HLCS: variants seen among roughly 807,000 people sequenced by gnomAD.
HLCS encodes holocarboxylase synthetase, also known as biotin--protein ligase.
In HLCS, 53 loss-of-function variants were observed where a neutral mutation model predicts 75.0. The ratio of observed to expected loss-of-function variants is 0.71; its 90% CI spans 0.57 to 0.89. The LOEUF (loss-of-function observed/expected upper bound fraction) is 0.89, where lower values mean the gene tolerates loss of function less well. HLCS is among the 40% of genes least tolerant of loss of function. HLCS has a pLI of 0.00. For missense variants in HLCS, 966 were observed against 1,074.0 expected (o/e 0.90, Z 1.41); for synonymous variants, 431 against 428.6 (o/e 1.01, Z -0.07).
intron 4 of HLCS, among the ~76,000 whole-genome samples, chr21:36,934,394 G>A (rs1422905784): frequency 6.6e-6 from 1 of 152,174 alleles, no homozygotes; most frequent in Non-Finnish European, 1.5e-5. Context: ...TGCCATGGTT[G>A]AGAAACTCTG....
chr21:36,830,326 C>T (rs1569071673), intron 6 of HLCS, among the ~76,000 whole-genome samples: 1 of 152,218 alleles, frequency 6.6e-6, no homozygotes, highest in Non-Finnish European at 1.5e-5. Context: ...CGCAAGATAA[C>T]ACACAGAGTA....
intron 8 of HLCS, among the ~76,000 whole-genome samples, chr21:36,760,844 T>C (rs2089810827): frequency 6.6e-6 from 1 of 152,170 alleles, no homozygotes; most frequent in African/African-American, 2.4e-5. Context: ...GGCCTCTGCC[T>C]ATCCACTGTG....
At chr21:36,965,849 C>A (rs577072739) in intron 1 of HLCS, among the ~76,000 whole-genome samples, 90 of 151,748 alleles carry the variant, frequency 5.9e-4, no homozygotes, top group Admixed American at 3.5e-3. Context: ...CTCCCGGGAT[C>A]AAGTGACCCT....
intron 5 of HLCS, among the ~76,000 whole-genome samples, chr21:36,898,446 C>CAAAAAAAAAAAAAA (rs58625493): frequency 6.1e-5 from 3 of 49,530 alleles, no homozygotes; most frequent in African/African-American, 1.7e-4. Flanking sequence ...AACTCCATCT[C>CAAAAAAAAAAAAAA]AAAAAAAAAA....
At chr21:36,767,151 C>G (rs574941004) in intron 7 of HLCS, 67 bp downstream of exon 7, 12 of 1,504,220 alleles carry the variant, frequency 8.0e-6, no homozygotes, top group Non-Finnish European at 1.1e-5. Flanking sequence ...CAATGGGCTC[C>G]TGGGCCACAA....
chr21:36,965,743 T>C (rs920008550), intron 1 of HLCS, among the ~76,000 whole-genome samples: 1 of 151,174 alleles, frequency 6.6e-6, no homozygotes, highest in Non-Finnish European at 1.5e-5. Flanking sequence ...TTTTTTTTTT[T>C]TTTCTTAAGA....
At chr21:36,783,649 C>T (rs1351152555) in intron 6 of HLCS, among the ~76,000 whole-genome samples, 1 of 152,164 alleles carries the variant, frequency 6.6e-6, no homozygotes. Flanking sequence ...TGCAAGACAG[C>T]CACTTAGTGT....
chr21:36,830,218 T>G lies in HLCS; in HGVS notation c.1893-62933A>C, dbSNP rs577560854. On this transcript the variant is annotated intron_variant, in intron 6 of 10. Coordinates refer to ENST00000674895, the MANE Select transcript of HLCS (RefSeq NM_001352514.2). ...CGGCCTCAGAAGGAGCCAGCCCTGC[T>G]GACACCTTATCCTGGACTTCTGGCC... Among the ~76,000 whole-genome samples, 161 of 152,296 alleles carry G rather than the reference T, an allele frequency of 1.1e-3. 1 individual carries two copies. The highest frequency in any genetic ancestry group is 1.1e-3 in the Non-Finnish European group (78 of 68,010).
At chr21:36,757,113 C>T (rs997682138) in intron 9 of HLCS, 12 of 191,984 alleles carry the variant, frequency 6.3e-5, no homozygotes, top group South Asian at 1.8e-4. Context: ...TGTAGCTCTG[C>T]ACTGAGTCCA....
intron 6 of HLCS, among the ~76,000 whole-genome samples, chr21:36,844,938 C>A (rs2062744254): frequency 6.6e-6 from 1 of 152,088 alleles, no homozygotes; most frequent in African/African-American, 2.4e-5. Context: ...CATCTGCTTA[C>A]AATTTTAAGG....
intron 2 of HLCS, among the ~76,000 whole-genome samples, chr21:36,958,672 C>T (rs538546146): frequency 2.1e-3 from 313 of 151,980 alleles, no homozygotes; most frequent in African/African-American, 7.4e-3. Flanking sequence ...GCCTGTAGTC[C>T]CAGCTACTTG....
At position 36,961,649 on chromosome 21, in the gene HLCS, C is replaced by T. The variant is rs184708693; in HGVS notation, c.330+387G>A. On this transcript the variant is annotated intron_variant, in intron 2 of 10. Coordinates refer to ENST00000674895, the MANE Select transcript of HLCS (RefSeq NM_001352514.2). The stretch of plus-strand genomic sequence containing the variant: ...GGGAGCCACAAAGGCTAGGAAAGAG[C>T]ACTCATAAAAAGACAAATTTGAGGC... Among the ~76,000 whole-genome samples, 91 of 152,098 alleles carry T rather than the reference C, an allele frequency of 6.0e-4. 2 individuals are homozygous for T. The South Asian group carries it at 0.018, about 31-fold the overall frequency.
chr21:36,839,233 C>T (rs1320459401), intron 6 of HLCS, among the ~76,000 whole-genome samples: 1 of 152,206 alleles, frequency 6.6e-6, no homozygotes, highest in East Asian at 1.9e-4. Context: ...AGCATGTCCA[C>T]TTCATGAAAA....
intron 6 of HLCS, among the ~76,000 whole-genome samples, chr21:36,874,384 A>T (rs890302251): frequency 2.0e-5 from 3 of 150,514 alleles, no homozygotes; most frequent in Non-Finnish European, 4.4e-5. Flanking sequence ...CCTGAGCGAC[A>T]GAGCGAGACT....
At chr21:36,881,362 G>A (rs930706674) in intron 6 of HLCS, among the ~76,000 whole-genome samples, 32 of 152,210 alleles carry the variant, frequency 2.1e-4, no homozygotes, top group African/African-American at 7.5e-4. Flanking sequence ...CACCCCAGGA[G>A]CCACTTTGTC....
Position 36,930,963 on chromosome 21 carries a change from G to A in HLCS, c.1438-530C>T, listed in dbSNP as rs74402541. Reference sequence around the variant, plus strand: ...ACACTCATCAGTCATATGACCTTCCGCAAGTTACTTAACTTGATTATAGGA... The same window carrying A: ...ACACTCATCAGTCATATGACCTTCCACAAGTTACTTAACTTGATTATAGGA... On this transcript the variant is annotated intron_variant, in intron 4 of 10. Transcript: ENST00000674895. Among the ~76,000 whole-genome samples, 1,178 of 152,218 alleles carry A rather than the reference G, an allele frequency of 7.7e-3. 21 individuals are homozygous for A. The highest frequency in any genetic ancestry group is 0.053 in the South Asian group (254 of 4,820).
In HLCS at chr21:36,751,626, AT is replaced by A. The variant is rs2079229811; in HGVS notation, c.*2619del. 1 of 152,270 alleles carries A rather than the reference AT, an allele frequency of 6.6e-6. No homozygotes were observed. The highest frequency in any genetic ancestry group is 1.5e-5 in the Non-Finnish European group (1 of 68,118). The allele number at this position is 152,270 out of a possible 1,614,324, so 9.4% of individuals were successfully genotyped here. On this transcript the variant is annotated 3_prime_UTR_variant, in exon 11 of 11. Coordinates refer to ENST00000674895, the MANE Select transcript of HLCS (RefSeq NM_001352514.2). Reference sequence around the variant, plus strand: ...CCTGCTGCAGTGAAACTCAACCACGATTTTCCTTTGCACACAAATCCTTCCT... The same window carrying A: ...CCTGCTGCAGTGAAACTCAACCACGATTTCCTTTGCACACAAATCCTTCCT...
At chr21:36,835,730 GT>G (rs1233086573) in intron 6 of HLCS, among the ~76,000 whole-genome samples, 1 of 152,194 alleles carries the variant, frequency 6.6e-6, no homozygotes, top group African/African-American at 2.4e-5. Flanking sequence ...TGGATCAGCT[GT>G]CCCCAGTAGG....
intron 2 of HLCS, chr21:36,946,175 G>A: frequency 1.2e-6 from 1 of 822,092 alleles, no homozygotes; most frequent in Non-Finnish European, 1.5e-6. Context: ...ATGGGGAGGT[G>A]AAAAAAATCT....
Sources: gnomAD v4.1 joint callset for allele counts (sites outside exome capture counted in the v4.1 genomes callset) on GRCh38, gnomAD v4.1.1 for gene constraint, MANE v1.5 for transcripts, NCBI Gene and HGNC (gene_info 2026-07-23, HGNC 2026-07-21) for gene names.